PLAT: variants seen among roughly 807,000 people sequenced by gnomAD.
PLAT encodes the protein plasminogen activator, tissue type, also known as tissue-type plasminogen activator.
PLAT carries 48 observed loss-of-function variants against 74.9 expected under a neutral mutation model. The ratio of observed to expected loss-of-function variants is 0.64; its 90% CI spans 0.51 to 0.82. PLAT has a LOEUF of 0.82. PLAT is among the 40% of genes least tolerant of loss of function. PLAT has a pLI of 0.00. For missense variants in PLAT, 673 were observed against 736.2 expected (o/e 0.91, Z 0.99); for synonymous variants, 307 against 294.4 (o/e 1.04, Z -0.44).
chr8:42,184,735 A>T, intron 7 of PLAT: 1 of 123,774 alleles, frequency 8.1e-6, no homozygotes, highest in Non-Finnish European at 1.6e-5. Context: ...TTTGAGAGGG[A>T]GCGAAAGAGA....
intron 1 of PLAT, among the ~76,000 whole-genome samples, chr8:42,194,042 T>A (rs8178723): frequency 0.11 from 12,936 of 120,752 alleles, 668 homozygotes; most frequent in African/African-American, 0.16. Context: ...CTTTCTTCTT[T>A]CTTCTTTCTT....
rs968291443 is a variant in PLAT at position 42,174,726 on chromosome 8, A to G, written c.*1267T>C. ...TGGCTCCTCGTTGCCTACAGAAGTC[A>G]ATTAAGTCCAAACTCAGTTTGGTGT... On this transcript the variant is annotated 3_prime_UTR_variant, in exon 14 of 14. Transcript: ENST00000220809. 2.6e-5 allele frequency among the ~76,000 whole-genome samples: 4 copies of G among 152,006 alleles called. No individual in the cohort carries two copies. The highest frequency in any genetic ancestry group is 9.7e-5 in the African/African-American group (4 of 41,362).
chr8:42,193,000 T>C, intron 2 of PLAT, 114 bp downstream of exon 2: 1 of 730,734 alleles, frequency 1.4e-6, no homozygotes, highest in Non-Finnish European at 2.4e-6. Flanking sequence ...TCCCTGTGCC[T>C]CTCTGCTCCC....
chr8:42,191,098 C>G (rs997001502), intron 3 of PLAT, among the ~76,000 whole-genome samples: 3 of 152,200 alleles, frequency 2.0e-5, no homozygotes, highest in African/African-American at 7.2e-5. Context: ...GCCGCCCCCC[C>G]CAGCCCCCGC....
At position 42,176,049 on chromosome 8, in the gene PLAT, C is replaced by T. The variant is rs776112395; in HGVS notation, c.1633G>A (p.Val545Met). ...AGGTAGTTGGTAACCTTGGTGTACACACCCGGGACATCCTTCTGTCCACAG... is the reference window on the plus strand; with the variant it reads ...AGGTAGTTGGTAACCTTGGTGTACATACCCGGGACATCCTTCTGTCCACAG... ...LGCGQKDVPG[V>M]YTKVTNYLDW... is the part of the protein sequence containing the mutation. Residue 545 changes from valine (V) to methionine (M), a missense_variant, in exon 14 of 14, where the codon GTG becomes ATG. Physicochemically the swap from Val to Met is conservative, Grantham distance 21 (BLOSUM62 1). Coordinates refer to ENST00000220809, the MANE Select transcript of PLAT (RefSeq NM_000930.5). 9.9e-6 allele frequency: 16 copies of T among 1,614,126 alleles called. No homozygotes were observed. The Admixed American group carries it at 2.5e-4, about 25-fold the overall frequency.
Position 42,179,936 on chromosome 8 carries a change from C to A in PLAT, c.1353G>T (p.Lys451Asn). 6.3e-7 allele frequency: 1 copy of A among 1,599,190 alleles called. No individual in the cohort carries two copies. The highest frequency in any genetic ancestry group is 1.1e-5 in the South Asian group (1 of 89,066). Residue 451 changes from lysine (K) to asparagine (N), a missense_variant, in exon 12 of 14, where the codon AAG becomes AAT. Coordinates refer to ENST00000220809, the MANE Select transcript of PLAT (RefSeq NM_000930.5). ...WTECELSGYG[K>N]HEALSPFYSE... The stretch of plus-strand genomic sequence containing the variant: ...CTTCCTTCCACTTACAGGCCTCATG[C>A]TTGCCGTAGCCGGAGAGCTCACACT...
Position 42,179,007 on chromosome 8 carries a change from T to C in PLAT, c.1420A>G (p.Ser474Gly), listed in dbSNP as rs1346769801. 1.2e-6 allele frequency: 2 copies of C among 1,613,762 alleles called. No homozygotes were observed. The highest frequency in any genetic ancestry group is 2.2e-5 in the South Asian group (2 of 91,070). ...KEAHVRLYPSSRCTSQHLLNR... is the reference protein window; with the variant it reads ...KEAHVRLYPSGRCTSQHLLNR... ...AGTAAATGTTGTGATGTGCAGCGGC[T>C]GGATGGGTACAGTCTGACATGAGCC... The change falls in exon 13 of 14, where the codon AGC becomes GGC. Residue 474 changes from serine to glycine, a missense_variant. Physicochemically the swap from Ser to Gly is moderately conservative, Grantham distance 56. Transcript: ENST00000220809.
chr8:42,179,981 C>T lies in PLAT; in HGVS notation c.1308G>A (p.Leu436=). The change falls in exon 12 of 14, where the codon CTG becomes CTA. Residue 436 remains leucine (L), a synonymous_variant. Transcript: ENST00000220809. ...VRTVCLPPAD[L]QLPDWTECEL... ...CACACTCCGTCCAGTCCGGCAGCTG[C>T]AGGTCCGCCGGGGGAAGGCACACAG... The T allele has an allele frequency of 6.2e-7, 1 of 1,608,682 alleles. No individual in the cohort carries two copies. Among genetic ancestry groups the T allele is most frequent in the South Asian group, 1.1e-5 (1 of 90,332 alleles).
At chr8:42,183,449 G>T (rs1046804292) in intron 7 of PLAT, among the ~76,000 whole-genome samples, 1 of 152,088 alleles carries the variant, frequency 6.6e-6, no homozygotes, top group Middle Eastern at 3.4e-3. Context: ...TTCCATGAGT[G>T]GGGGCTGTTT....
rs764821085 is a variant in PLAT, at chr8:42,179,093, A to T, written c.1364-30T>A. The T allele has an allele frequency of 1.9e-6, 3 of 1,546,326 alleles. No individual in the cohort carries two copies. The Admixed American group carries it at 5.8e-5, about 30-fold the overall frequency. On this transcript the variant is annotated intron_variant, in intron 12 of 13. Coordinates refer to ENST00000220809, the MANE Select transcript of PLAT (RefSeq NM_000930.5). ...AAGGGGAGAACCATCATATGGTTTTAGGGAAAGTTATTTATAAACGTTTTT... is the reference window on the plus strand; with the variant it reads ...AAGGGGAGAACCATCATATGGTTTTTGGGAAAGTTATTTATAAACGTTTTT...
intron 1 of PLAT, among the ~76,000 whole-genome samples, chr8:42,205,071 T>C (rs944365338): frequency 2.0e-5 from 3 of 152,152 alleles, no homozygotes; most frequent in Non-Finnish European, 4.4e-5. Flanking sequence ...ACAAGGAAAC[T>C]CCTTGTGGAC....
chr8:42,197,115 A>G (rs986564114), intron 1 of PLAT, among the ~76,000 whole-genome samples: 6 of 152,340 alleles, frequency 3.9e-5, no homozygotes, highest in East Asian at 1.9e-4. Context: ...CAGCAGTCTC[A>G]GGGCATGGCA....
At chr8:42,182,241 C>T (rs1271995546) in intron 8 of PLAT, 1 of 453,642 alleles carries the variant, frequency 2.2e-6, no homozygotes, top group East Asian at 4.5e-5. Flanking sequence ...CATCACAGGC[C>T]ATGTAAGAGT....
chr8:42,201,594 G>A (rs376828091), intron 1 of PLAT, among the ~76,000 whole-genome samples: 29 of 152,218 alleles, frequency 1.9e-4, no homozygotes, highest in Admixed American at 6.5e-4. Flanking sequence ...AGAATTTTGT[G>A]CCTTCATCTG....
At position 42,180,081 on chromosome 8, in the gene PLAT, G is replaced by C; in HGVS notation, c.1223-15C>G. The C allele has an allele frequency of 1.2e-6, 2 of 1,600,870 alleles. No homozygotes were observed. Among genetic ancestry groups the C allele is most frequent in the Non-Finnish European group, 1.7e-6 (2 of 1,171,318 alleles). Reference sequence around the variant, plus strand: ...CTGCAGCAGCGCTGGGAGGGAGAAAGGAGGAGTGAGCTGGCGTGAGGGCCG... The same window carrying C: ...CTGCAGCAGCGCTGGGAGGGAGAAACGAGGAGTGAGCTGGCGTGAGGGCCG... On this transcript the variant is annotated splice_polypyrimidine_tract_variant and intron_variant, in intron 11 of 13. Transcript: ENST00000220809.
At chr8:42,205,108 C>T (rs929037275) in intron 1 of PLAT, among the ~76,000 whole-genome samples, 1 of 152,224 alleles carries the variant, frequency 6.6e-6, no homozygotes, top group African/African-American at 2.4e-5. Flanking sequence ...TAAAACAGTT[C>T]TGCTGAACTT....
At chr8:42,182,977 C>A in intron 7 of PLAT, 87 bp from the exon 8 acceptor site, 5 of 1,096,066 alleles carry the variant, frequency 4.6e-6, no homozygotes, top group South Asian at 4.3e-5. Context: ...AGCTGCCGGT[C>A]GAGGAAGCTG....
intron 2 of PLAT, among the ~76,000 whole-genome samples, chr8:42,192,226 A>G (rs1295467206): frequency 6.6e-6 from 1 of 150,934 alleles, no homozygotes; most frequent in Non-Finnish European, 1.5e-5. Flanking sequence ...CTGGTCTCCA[A>G]CTCCTGGGCT....
chr8:42,181,204 C>T (rs1024707306), intron 9 of PLAT, among the ~76,000 whole-genome samples: 4 of 152,242 alleles, frequency 2.6e-5, no homozygotes, highest in Non-Finnish European at 4.4e-5. Context: ...GTCTGTGTCT[C>T]ATCGTCCCAG....
Sources: allele counts gnomAD v4.1 joint callset (sites outside exome capture counted in the v4.1 genomes callset), GRCh38; gene constraint gnomAD v4.1.1; transcripts MANE v1.5; gene names NCBI Gene and HGNC (gene_info 2026-07-23, HGNC 2026-07-21).